TUBE1: variants seen among roughly 807,000 people sequenced by gnomAD.
The protein encoded by TUBE1 is tubulin epsilon chain.
In TUBE1, 34 loss-of-function variants were observed where a neutral mutation model predicts 53.5. That is an observed-to-expected ratio of 0.64 (90% CI 0.48 to 0.85). TUBE1 has a LOEUF of 0.85. Among genes scored for constraint, TUBE1 ranks in the 40% least tolerant of loss-of-function variants. TUBE1 has a pLI of 0.00. For synonymous variants in TUBE1, 177 were observed against 198.4 expected (o/e 0.89, Z 0.91); for missense variants, 532 against 570.5 (o/e 0.93, Z 0.69).
chr6:112,073,378 T>G (rs1460244660), intron 9 of TUBE1, among the ~76,000 whole-genome samples: 1 of 152,212 alleles, frequency 6.6e-6, no homozygotes, highest in Non-Finnish European at 1.5e-5. Flanking sequence ...TGTGAAGCTC[T>G]CCTATAAAAG....
At chr6:112,078,841 A>C (rs1046390490) in intron 6 of TUBE1, 4 of 152,076 alleles carry the variant, frequency 2.6e-5, no homozygotes, top group Admixed American at 1.3e-4. Flanking sequence ...TTTAATCTTA[A>C]AATGCTATGT....
At position 112,071,579 on chromosome 6, in the gene TUBE1, TA is replaced by T. The variant is rs1554315342; in HGVS notation, c.1270-10del. On this transcript the variant is annotated splice_polypyrimidine_tract_variant and intron_variant, in intron 11 of 11. Transcript: ENST00000368662. Reference sequence around the variant, plus strand: ...TAGTGATGAAGGTGAGCCTATAAATTAAAAAATTAGGTAACGTTTACCATTT... The same window carrying T: ...TAGTGATGAAGGTGAGCCTATAAATTAAAAATTAGGTAACGTTTACCATTT... 6.3e-7 allele frequency: 1 copy of T among 1,586,384 alleles called. No individual in the cohort carries two copies. Among genetic ancestry groups the T allele is most frequent in the Non-Finnish European group, 8.6e-7 (1 of 1,163,468 alleles).
chr6:112,087,172 C>A, intron 2 of TUBE1, 61 bp downstream of exon 2: 1 of 1,423,502 alleles, frequency 7.0e-7, no homozygotes, highest in African/African-American at 1.4e-5. Flanking sequence ...CGATTATTTC[C>A]TGCGTATGGG....
At chr6:112,080,279 G>A (rs991610271) in intron 5 of TUBE1, among the ~76,000 whole-genome samples, 4 of 152,074 alleles carry the variant, frequency 2.6e-5, no homozygotes, top group African/African-American at 7.2e-5. Context: ...ATGCAGCTCT[G>A]CAAGTCTTTT....
chr6:112,081,038 A>G, intron 5 of TUBE1, 54 bp downstream of exon 5: 1 of 1,137,688 alleles, frequency 8.8e-7, no homozygotes, highest in Non-Finnish European at 1.3e-6. Flanking sequence ...ACAATGAAGA[A>G]AGATTGCTCA....
At chr6:112,073,921 G>A (rs1275539348) in intron 9 of TUBE1, among the ~76,000 whole-genome samples, 3 of 152,102 alleles carry the variant, frequency 2.0e-5, no homozygotes, top group Non-Finnish European at 4.4e-5. Flanking sequence ...GACTACAAGT[G>A]CAGACAGGGT....
In TUBE1 at chr6:112,087,250, G is replaced by T; in HGVS notation, c.82C>A (p.His28Asn). ...CCFWDLALRE[H>N]AAVNQKGIYD... ...GCGGGTACCTGGTTGACCGCGGCGT[G>T]CTCCCTTAGTGCCAGGTCCCAGAAG... The change falls in exon 2 of 12, where the codon CAC becomes AAC. Residue 28 changes from histidine to asparagine, a missense_variant. Transcript: ENST00000368662. 6.4e-7 allele frequency: 1 copy of T among 1,551,364 alleles called. No individual in the cohort carries two copies. Among genetic ancestry groups the T allele is most frequent in the Middle Eastern group, 1.7e-4 (1 of 5,976 alleles).
intron 4 of TUBE1, among the ~76,000 whole-genome samples, chr6:112,083,549 A>C (rs1258652632): frequency 6.6e-6 from 1 of 152,040 alleles, no homozygotes; most frequent in Non-Finnish European, 1.5e-5. Context: ...TGATCTCCTG[A>C]CCTTGTGATC....
chr6:112,081,424 C>T (rs1196044103), intron 4 of TUBE1, among the ~76,000 whole-genome samples: 1 of 151,970 alleles, frequency 6.6e-6, no homozygotes, highest in East Asian at 1.9e-4. Context: ...ATTCTTTTAT[C>T]CTACTCCAAA....
rs781887511 is a variant in TUBE1, at chr6:112,076,418, A to G, written c.540T>C (p.Ser180=). 6 of 1,613,646 alleles carry G rather than the reference A, an allele frequency of 3.7e-6. No individual in the cohort carries two copies. Among genetic ancestry groups the G allele is most frequent in the South Asian group, 1.1e-5 (1 of 90,994 alleles). The change falls in exon 7 of 12, where the codon TCT becomes TCC. Residue 180 remains serine (S), a synonymous_variant. Transcript: ENST00000368662. ...GTGAGGTTATGACATCATCCTCACC[A>G]GAAGGATAAATGGAAGTCACAAATC... ...VYRFVTSIYP[S]GEDDVITSPY... is the part of the protein sequence containing the mutation.
intron 6 of TUBE1, chr6:112,078,430 A>C (rs1301387359): frequency 6.6e-6 from 1 of 152,056 alleles, no homozygotes; most frequent in African/African-American, 2.4e-5. Flanking sequence ...TAAAGTGGAA[A>C]AGTTACAGTA....
intron 4 of TUBE1, among the ~76,000 whole-genome samples, chr6:112,082,734 G>A (rs1391708407): frequency 2.0e-5 from 3 of 152,140 alleles, no homozygotes; most frequent in African/African-American, 7.2e-5. Flanking sequence ...AGTCACAACT[G>A]TTCCAGGATT....
At chr6:112,085,784 TG>T in intron 3 of TUBE1, 1 of 463,720 alleles carries the variant, frequency 2.2e-6, no homozygotes. Flanking sequence ...AATGAGAATT[TG>T]GTCTTTGGTT....
chr6:112,079,875 G>A, intron 5 of TUBE1, 121 bp from the exon 6 acceptor site: 2 of 903,796 alleles, frequency 2.2e-6, no homozygotes, highest in Non-Finnish European at 3.3e-6. Flanking sequence ...GCTAAGTAAA[G>A]TCTATTCTTG....
intron 4 of TUBE1, among the ~76,000 whole-genome samples, chr6:112,083,422 C>T (rs1777101352): frequency 6.6e-6 from 1 of 151,702 alleles, no homozygotes; most frequent in Admixed American, 6.6e-5. Flanking sequence ...GGGTTCACGC[C>T]ATTTTCCTGC....
At position 112,076,425 on chromosome 6, in the gene TUBE1, T is replaced by G. The variant is rs782450997; in HGVS notation, c.533A>C (p.Tyr178Ser). ...PEVYRFVTSI[Y>S]PSGEDDVITS... ...TATGACATCATCCTCACCAGAAGGA[T>G]AAATGGAAGTCACAAATCTGTATAC... Residue 178 changes from tyrosine (Y) to serine (S), a missense_variant, in exon 7 of 12, where the codon TAT becomes TCT. Coordinates refer to ENST00000368662, the MANE Select transcript of TUBE1 (RefSeq NM_016262.5). 3 of 1,613,620 alleles carry G rather than the reference T, an allele frequency of 1.9e-6. No individual in the cohort carries two copies. The highest frequency in any genetic ancestry group is 2.5e-6 in the Non-Finnish European group (3 of 1,179,826).
intron 4 of TUBE1, 96 bp downstream of exon 4, chr6:112,084,093 C>G (rs1554317064): frequency 2.0e-6 from 2 of 1,013,650 alleles, no homozygotes; most frequent in Non-Finnish European, 3.0e-6. Flanking sequence ...TTTTTTTCTA[C>G]TTTGAAAAGT....
chr6:112,082,530 C>G (rs587763510), intron 4 of TUBE1, among the ~76,000 whole-genome samples: 3 of 152,174 alleles, frequency 2.0e-5, no homozygotes, highest in Non-Finnish European at 4.4e-5. Context: ...TATGCAAATA[C>G]AAACTGATAT....
rs781810588 is a variant in TUBE1 at position 112,071,982 on chromosome 6, A to G, written c.1189T>C (p.Leu397=). The change falls in exon 11 of 12, where the codon TTA becomes CTA. Residue 397 remains leucine, a synonymous_variant. Transcript: ENST00000368662. ...VPPVGHSHSL[L]ALANNTCVKP... ...ACACATGTGTTATTTGCTAAAGCTA[A>G]TAACGAATGAGAATGGCCCACAGGA... is the stretch of plus-strand genomic sequence containing the variant. 3 of 1,613,374 alleles carry G rather than the reference A, an allele frequency of 1.9e-6. No individual in the cohort carries two copies. Among genetic ancestry groups the G allele is most frequent in the Non-Finnish European group, 2.5e-6 (3 of 1,179,680 alleles).
Sources: allele counts gnomAD v4.1 joint callset (sites outside exome capture counted in the v4.1 genomes callset), GRCh38; gene constraint gnomAD v4.1.1; transcripts MANE v1.5; gene names NCBI Gene and HGNC (gene_info 2026-07-23, HGNC 2026-07-21).